RABGAP1L: variants seen among roughly 807,000 people sequenced by gnomAD.
The protein encoded by RABGAP1L is RAB GTPase activating protein 1 like.
Under a neutral mutation model 137.7 loss-of-function variants are expected in RABGAP1L, and 63 were observed. The observed-to-expected ratio is 0.46, with a 90% CI of 0.37 to 0.56. RABGAP1L has a LOEUF of 0.56. Among genes scored for constraint, RABGAP1L ranks in the 20% least tolerant of loss-of-function variants. The pLI, the probability that RABGAP1L is intolerant of heterozygous loss-of-function variation, is 0.00. For synonymous variants in RABGAP1L, 431 were observed against 433.7 expected (o/e 0.99, Z 0.08); for missense variants, 1,095 against 1,244.0 (o/e 0.88, Z 1.80).
intron 13 of RABGAP1L, among the ~76,000 whole-genome samples, chr1:174,605,866 A>G (rs1670753632): frequency 6.6e-6 from 1 of 152,180 alleles, no homozygotes; most frequent in African/African-American, 2.4e-5. Context: ...CTATTTGTAA[A>G]TTGATGATTT....
intron 19 of RABGAP1L, among the ~76,000 whole-genome samples, chr1:174,951,437 G>C (rs1296998220): frequency 1.3e-5 from 2 of 152,144 alleles, no homozygotes; most frequent in Non-Finnish European, 1.5e-5. Context: ...AAATTAATAG[G>C]CTTAAAACTG....
At chr1:174,539,018 G>A (rs1013350916) in intron 13 of RABGAP1L, among the ~76,000 whole-genome samples, 29 of 152,036 alleles carry the variant, frequency 1.9e-4, no homozygotes, top group Non-Finnish European at 7.4e-5. Context: ...TAAGTTGCCC[G>A]GGGTCACACA....
chr1:174,195,662 CCTTTCCTTTCCTT>C (rs199810231), intron 1 of RABGAP1L, among the ~76,000 whole-genome samples: 1,847 of 101,548 alleles, frequency 0.018, 112 homozygotes, highest in East Asian at 0.15. Flanking sequence ...CCTTTCCTTT[CCTTTCCTTTCCTT>C]CTTTCCTTCT....
At chr1:174,612,530 G>C (rs1423177650) in intron 13 of RABGAP1L, among the ~76,000 whole-genome samples, 1 of 152,108 alleles carries the variant, frequency 6.6e-6, no homozygotes, top group Non-Finnish European at 1.5e-5. Flanking sequence ...TTTTGGTTGT[G>C]TCTCTGCCCG....
At chr1:174,671,682 G>A (rs1028127800) in intron 14 of RABGAP1L, among the ~76,000 whole-genome samples, 3 of 152,060 alleles carry the variant, frequency 2.0e-5, no homozygotes, top group African/African-American at 4.8e-5. Context: ...TGATCTTTTC[G>A]ATGTGGTGTT....
Position 174,836,263 on chromosome 1 carries a change from GAAGCT to G in RABGAP1L, c.2340+24307_2340+24311del, listed in dbSNP as rs1692739928. ...TAGGAGGTTTGTACAGGGAGTGAGG[GAAGCT>G]AAGATGTTTGAGGTATGAGAGAGGA... On this transcript the variant is annotated intron_variant, in intron 19 of 25. Coordinates refer to ENST00000681986, the MANE Select transcript of RABGAP1L (RefSeq NM_001366446.1). Among the ~76,000 whole-genome samples, 5 of 152,180 alleles carry G rather than the reference GAAGCT, an allele frequency of 3.3e-5. No homozygotes were observed. In the South Asian group the frequency reaches 1.0e-3, roughly 32 times the overall value.
chr1:174,192,469 C>T (rs1013630368), intron 1 of RABGAP1L, among the ~76,000 whole-genome samples: 25 of 152,120 alleles, frequency 1.6e-4, no homozygotes, highest in Middle Eastern at 3.4e-3. Context: ...ATTATAGGCA[C>T]ATGCCACCAT....
At chr1:174,450,535 G>A (rs538071778) in intron 13 of RABGAP1L, among the ~76,000 whole-genome samples, 5 of 152,140 alleles carry the variant, frequency 3.3e-5, no homozygotes, top group Non-Finnish European at 5.9e-5. Flanking sequence ...TTTTAGTGCC[G>A]CTGAGAATAT....
intron 3 of RABGAP1L, among the ~76,000 whole-genome samples, chr1:174,223,785 AT>A (rs1391367637): frequency 3.9e-5 from 6 of 152,138 alleles, no homozygotes; most frequent in African/African-American, 7.2e-5. Flanking sequence ...AGCTAAGAAA[AT>A]TTTTAAAAAG....
At chr1:174,513,333 T>C (rs1426144434) in intron 13 of RABGAP1L, among the ~76,000 whole-genome samples, 1 of 152,182 alleles carries the variant, frequency 6.6e-6, no homozygotes, top group Non-Finnish European at 1.5e-5. Flanking sequence ...ATGCAGTAGC[T>C]CACGCCTGTA....
At chr1:174,178,414 G>T (rs1411554440) in intron 1 of RABGAP1L, among the ~76,000 whole-genome samples, 2 of 152,154 alleles carry the variant, frequency 1.3e-5, no homozygotes, top group African/African-American at 4.8e-5. Context: ...CATTGTGGAA[G>T]ACAGTGTGTC....
At chr1:174,915,980 C>T (rs1187780367) in intron 19 of RABGAP1L, among the ~76,000 whole-genome samples, 1 of 151,646 alleles carries the variant, frequency 6.6e-6, no homozygotes, top group Non-Finnish European at 1.5e-5. Context: ...TAAATCTTGG[C>T]CTAATCCAAG....
chr1:174,327,994 T>TATATATATATACATAC (rs1558136305), intron 11 of RABGAP1L, among the ~76,000 whole-genome samples: 1 of 77,418 alleles, frequency 1.3e-5, no homozygotes, highest in African/African-American at 6.5e-5. Flanking sequence ...CACATATATA[T>TATATATATATACATAC]ATATATATAT....
chr1:174,745,914 A>C (rs1004631812), intron 17 of RABGAP1L, among the ~76,000 whole-genome samples: 39 of 152,116 alleles, frequency 2.6e-4, no homozygotes, highest in African/African-American at 9.4e-4. Flanking sequence ...TTGGTTTGAT[A>C]ATTTGGTAAT....
At chr1:174,839,971 G>A (rs1424396851) in intron 19 of RABGAP1L, among the ~76,000 whole-genome samples, 1 of 152,168 alleles carries the variant, frequency 6.6e-6, no homozygotes, top group Non-Finnish European at 1.5e-5. Flanking sequence ...GAAACTATGG[G>A]AGGAATTTCA....
At chr1:174,302,090 A>G (rs1677762033) in intron 10 of RABGAP1L, among the ~76,000 whole-genome samples, 1 of 152,220 alleles carries the variant, frequency 6.6e-6, no homozygotes, top group South Asian at 2.1e-4. Context: ...AAAAGTTCTA[A>G]GATACGGACA....
intron 13 of RABGAP1L, among the ~76,000 whole-genome samples, chr1:174,612,784 G>C (rs1411761025): frequency 6.6e-6 from 1 of 152,150 alleles, no homozygotes; most frequent in Non-Finnish European, 1.5e-5. Context: ...TTTAGTCTTG[G>C]GAGAGTGTAC....
chr1:174,529,411 A>C (rs913648786), intron 13 of RABGAP1L, among the ~76,000 whole-genome samples: 1 of 152,138 alleles, frequency 6.6e-6, no homozygotes, highest in African/African-American at 2.4e-5. Context: ...ATTGTAAACA[A>C]CACCAGTGGT....
At chr1:174,823,140 C>T (rs548701307) in intron 19 of RABGAP1L, among the ~76,000 whole-genome samples, 1 of 152,252 alleles carries the variant, frequency 6.6e-6, no homozygotes, top group African/African-American at 2.4e-5. Flanking sequence ...TATTTTTCTT[C>T]AAAAACTTTA....
Sources: allele counts gnomAD v4.1 joint callset (sites outside exome capture counted in the v4.1 genomes callset), GRCh38; gene constraint gnomAD v4.1.1; transcripts MANE v1.5; gene names NCBI Gene and HGNC (gene_info 2026-07-23, HGNC 2026-07-21).